The following ST6GAL1 variants were observed in gnomAD, a reference collection of about 807,000 sequenced individuals.
ST6GAL1 encodes beta-galactoside alpha-2,6-sialyltransferase 1.
In ST6GAL1, 20 loss-of-function variants were observed where a neutral mutation model predicts 38.0. That is an observed-to-expected ratio of 0.53 (90% CI 0.37 to 0.77). The LOEUF is 0.77. Among genes scored for constraint, ST6GAL1 ranks in the 30% least tolerant of loss-of-function variants. The pLI is 0.00. For synonymous variants in ST6GAL1, 196 were observed against 188.2 expected, an observed-to-expected ratio of 1.04 and a Z score of -0.34; for missense variants, 432 against 496.4, an observed-to-expected ratio of 0.87 and a Z score of 1.23.
At chr3:186,963,318 G>C (rs1039272063) in intron 1 of ST6GAL1, among the ~76,000 whole-genome samples, 1 of 152,126 alleles carries the variant, frequency 6.6e-6, no homozygotes, top group Non-Finnish European at 1.5e-5. Context: ...TCCGCCTCCC[G>C]GGTTCAAGCG....
rs3733000 is a variant in ST6GAL1, at chr3:186,963,801, T to C, written c.-308T>C. On this transcript the variant is annotated 5_prime_UTR_variant, in exon 2 of 8. Coordinates refer to ENST00000169298, the MANE Select transcript of ST6GAL1 (RefSeq NM_173216.2). ...CCTCTGCAGGCAAGGGGAGAGCCAG[T>C]TGCGCAGAGCCCTGCAACCAGCAGT... 0.058 allele frequency: 8,777 copies of C among 152,202 alleles called. 531 individuals carry two copies. The highest frequency in any genetic ancestry group is 0.27 in the East Asian group (1,373 of 5,174). The allele number at this position is 152,202 out of a possible 1,614,324, so 9.4% of individuals were successfully genotyped here. A position where few individuals can be genotyped will look rare whatever the true frequency, so the allele number is the denominator to read the frequency against.
At chr3:186,986,631 G>A (rs1024524340) in intron 2 of ST6GAL1, 4 of 152,102 alleles carry the variant, frequency 2.6e-5, no homozygotes, top group South Asian at 2.1e-4. Flanking sequence ...TTTACTGCAC[G>A]GCGATTATGT....
chr3:187,075,663 G>A lies in ST6GAL1; in HGVS notation c.1081G>A (p.Asp361Asn), dbSNP rs1383703578. The change falls in exon 8 of 8, where the codon GAT becomes AAT. Residue 361 changes from aspartate to asparagine, a missense_variant. Asp to Asn is a conservative substitution (Grantham distance 23). Transcript: ENST00000169298. The surrounding 1 kb of genome is among the most constrained non-coding windows in gnomAD (Gnocchi z 4.1). Reference protein sequence around the residue: ...DVCYYYQKFFDSACTMGAYHP... With the variant: ...DVCYYYQKFFNSACTMGAYHP... ...GTGCTACTACTACCAGAAGTTCTTC[G>A]ATAGTGCCTGCACGATGGGTGCCTA... 2.5e-6 allele frequency: 4 copies of A among 1,614,158 alleles called. No homozygotes were observed. The highest frequency in any genetic ancestry group is 1.3e-5 in the African/African-American group (1 of 75,036).
chr3:186,982,139 A>G (rs911917388), intron 2 of ST6GAL1, among the ~76,000 whole-genome samples: 8 of 152,206 alleles, frequency 5.3e-5, no homozygotes, highest in African/African-American at 1.9e-4. Context: ...ACAAATGAAC[A>G]CTTATTATGC....
intron 2 of ST6GAL1, among the ~76,000 whole-genome samples, chr3:186,995,558 A>G (rs1373045761): frequency 6.6e-6 from 1 of 151,202 alleles, no homozygotes; most frequent in Admixed American, 6.6e-5. Context: ...GTTAAAATGC[A>G]GGCTGTGCAT....
intron 2 of ST6GAL1, among the ~76,000 whole-genome samples, chr3:186,973,222 G>A (rs1715409570): frequency 6.6e-6 from 1 of 152,092 alleles, no homozygotes; most frequent in African/African-American, 2.4e-5. Flanking sequence ...TTTTAGTAGA[G>A]ACAGGGTTTC....
intron 2 of ST6GAL1, among the ~76,000 whole-genome samples, chr3:186,970,718 T>C (rs1045744518): frequency 1.3e-5 from 2 of 152,222 alleles, no homozygotes; most frequent in African/African-American, 4.8e-5. Context: ...ACTAAAATTG[T>C]TGAATTTATC....
intron 2 of ST6GAL1, among the ~76,000 whole-genome samples, chr3:186,994,452 T>C (rs755607167): frequency 2.8e-4 from 43 of 152,300 alleles, no homozygotes; most frequent in Non-Finnish European, 4.0e-4. Flanking sequence ...GTGAATTTTA[T>C]ATGAGTGTTC....
intron 5 of ST6GAL1, among the ~76,000 whole-genome samples, chr3:187,059,124 C>T (rs540705675): frequency 4.0e-5 from 6 of 151,772 alleles, no homozygotes; most frequent in South Asian, 2.1e-4. Flanking sequence ...ATGAGGGAGG[C>T]GTTACACCAC....
chr3:187,068,222 G>A (rs530201167), intron 5 of ST6GAL1, among the ~76,000 whole-genome samples: 8 of 151,994 alleles, frequency 5.3e-5, no homozygotes, highest in South Asian at 4.2e-4. Flanking sequence ...CATGTCTGTC[G>A]TACCAGCTAC....
At chr3:187,047,585 T>A (rs1228149175) in intron 4 of ST6GAL1, among the ~76,000 whole-genome samples, 1 of 152,150 alleles carries the variant, frequency 6.6e-6, no homozygotes, top group African/African-American at 2.4e-5. Context: ...GCTCTAATTC[T>A]AAGTTACAGA....
intron 1 of ST6GAL1, among the ~76,000 whole-genome samples, chr3:186,943,444 T>G (rs1455139342): frequency 6.6e-6 from 1 of 152,178 alleles, no homozygotes; most frequent in Admixed American, 6.5e-5. Flanking sequence ...ATCTCAATTT[T>G]TTATTTTATT....
At chr3:187,065,338 G>A (rs905276338) in intron 5 of ST6GAL1, among the ~76,000 whole-genome samples, 4 of 152,214 alleles carry the variant, frequency 2.6e-5, no homozygotes, top group African/African-American at 9.6e-5. Flanking sequence ...ACCCACATTT[G>A]TTCAGCTCCC....
At chr3:187,069,409 C>T (rs909200150) in intron 5 of ST6GAL1, among the ~76,000 whole-genome samples, 9 of 152,184 alleles carry the variant, frequency 5.9e-5, no homozygotes, top group African/African-American at 2.2e-4. Flanking sequence ...AAATTTCCAC[C>T]CCACCTTACT....
intron 1 of ST6GAL1, among the ~76,000 whole-genome samples, chr3:186,950,185 A>G (rs1174711751): frequency 6.6e-6 from 1 of 152,202 alleles, no homozygotes; most frequent in African/African-American, 2.4e-5. Flanking sequence ...CTTTAAAAGA[A>G]TGAAGAAGAA....
intron 5 of ST6GAL1, among the ~76,000 whole-genome samples, chr3:187,061,848 T>G (rs1718927124): frequency 6.6e-6 from 1 of 151,978 alleles, no homozygotes; most frequent in Non-Finnish European, 1.5e-5. Flanking sequence ...CATACATACG[T>G]AACAAAGGAA....
intron 1 of ST6GAL1, among the ~76,000 whole-genome samples, chr3:186,933,288 C>T (rs1466750898): frequency 6.6e-6 from 1 of 152,188 alleles, no homozygotes; most frequent in East Asian, 1.9e-4. Context: ...GACCCAGCCA[C>T]ATTGGGGAAC....
intron 2 of ST6GAL1, among the ~76,000 whole-genome samples, chr3:186,999,102 T>G (rs1485241491): frequency 6.6e-6 from 1 of 152,206 alleles, no homozygotes; most frequent in Non-Finnish European, 1.5e-5. Flanking sequence ...TTGTTAAACT[T>G]GCTCTTGTGG....
intron 1 of ST6GAL1, among the ~76,000 whole-genome samples, chr3:186,958,970 AAAT>A (rs1714842008): frequency 1.4e-5 from 1 of 71,416 alleles, no homozygotes; most frequent in Non-Finnish European, 2.5e-5. Context: ...AAAAAAAATT[AAAT>A]AAATAAATAA....
Sources: allele counts gnomAD v4.1 joint callset (sites outside exome capture counted in the v4.1 genomes callset), GRCh38; gene constraint gnomAD v4.1.1; non-coding constraint Gnocchi (gnomAD v3.1); transcripts MANE v1.5; gene names NCBI Gene and HGNC (gene_info 2026-07-23, HGNC 2026-07-21).